Variants in DPP10 observed in about 807,000 individuals in gnomAD.
DPP10 encodes inactive dipeptidyl peptidase 10.
Under a neutral mutation model 120.9 loss-of-function variants are expected in DPP10, and 33 were observed. The observed-to-expected ratio is 0.27, with a 90% CI of 0.21 to 0.37. DPP10 has a LOEUF of 0.37. DPP10 is among the 10% of genes least tolerant of loss of function. The pLI is 1.00. For missense variants in DPP10, 816 were observed against 942.8 expected, an observed-to-expected ratio of 0.87 and a Z score of 1.76; for synonymous variants, 337 against 326.1, an observed-to-expected ratio of 1.03 and a Z score of -0.36.
At chr2:115,424,752 G>C (rs1264549432) in intron 3 of DPP10, among the ~76,000 whole-genome samples, 1 of 152,128 alleles carries the variant, frequency 6.6e-6, no homozygotes, top group Non-Finnish European at 1.5e-5. Context: ...ATGGAACATA[G>C]GTAGCTGATA....
intron 1 of DPP10, among the ~76,000 whole-genome samples, chr2:115,053,751 CTTTCT>C (rs1367154225): frequency 1.3e-5 from 2 of 152,030 alleles, no homozygotes; most frequent in African/African-American, 4.8e-5. Flanking sequence ...ATGAAAACAC[CTTTCT>C]TTTCAACTAT....
chr2:114,711,140 C>G (rs1220782458), intron 1 of DPP10, among the ~76,000 whole-genome samples: 1 of 152,118 alleles, frequency 6.6e-6, no homozygotes, highest in African/African-American at 2.4e-5. Context: ...AATTCATTTA[C>G]CCATTTACCC....
intron 1 of DPP10, among the ~76,000 whole-genome samples, chr2:114,882,154 T>C (rs995336096): frequency 6.6e-6 from 1 of 152,090 alleles, no homozygotes; most frequent in Non-Finnish European, 1.5e-5. Context: ...GCAATCCCAC[T>C]ACTAGGTATC....
At chr2:115,767,497 A>G (rs1371902101) in intron 12 of DPP10, among the ~76,000 whole-genome samples, 1 of 145,450 alleles carries the variant, frequency 6.9e-6, no homozygotes, top group East Asian at 1.9e-4. Flanking sequence ...GTGTATATAT[A>G]TATACACATA....
chr2:115,366,637 G>T (rs1185987009), intron 3 of DPP10, among the ~76,000 whole-genome samples: 1 of 151,920 alleles, frequency 6.6e-6, no homozygotes. Flanking sequence ...TGATTTATTT[G>T]TTCCTGTTTG....
At chr2:114,527,505 G>T (rs1685600200) in intron 1 of DPP10, among the ~76,000 whole-genome samples, 1 of 152,114 alleles carries the variant, frequency 6.6e-6, no homozygotes. Flanking sequence ...AGAAGTTACT[G>T]TATCTAGTTT....
chr2:115,378,005 C>A (rs1196280854), intron 3 of DPP10, among the ~76,000 whole-genome samples: 1 of 151,718 alleles, frequency 6.6e-6, no homozygotes, highest in Non-Finnish European at 1.5e-5. Flanking sequence ...CAGCTTTGTT[C>A]TTTTGGCTTA....
intron 1 of DPP10, among the ~76,000 whole-genome samples, chr2:114,981,682 G>A (rs2104859584): frequency 6.6e-6 from 1 of 152,206 alleles, no homozygotes; most frequent in East Asian, 1.9e-4. Context: ...CTGGGCTTAA[G>A]TAATCCTCCT....
intron 3 of DPP10, among the ~76,000 whole-genome samples, chr2:115,393,632 A>ATTC (rs2067471844): frequency 6.6e-6 from 1 of 152,206 alleles, no homozygotes; most frequent in South Asian, 2.1e-4. Flanking sequence ...ACCATTGTGT[A>ATTC]TTCTCAGAGA....
chr2:115,109,405 G>A (rs1031569071), intron 1 of DPP10, among the ~76,000 whole-genome samples: 27 of 151,974 alleles, frequency 1.8e-4, no homozygotes, highest in Admixed American at 1.1e-3. Context: ...GCGTGGTGGC[G>A]GGCGCCTGTA....
At chr2:115,094,609 T>C (rs1202266227) in intron 1 of DPP10, among the ~76,000 whole-genome samples, 1 of 152,204 alleles carries the variant, frequency 6.6e-6, no homozygotes, top group Non-Finnish European at 1.5e-5. Context: ...CCTAAAATAA[T>C]ACCTGTTTTG....
chr2:115,335,396 T>C (rs955685995), intron 2 of DPP10, among the ~76,000 whole-genome samples: 57 of 152,120 alleles, frequency 3.7e-4, no homozygotes, highest in East Asian at 1.9e-4. Flanking sequence ...AGAAACTGTT[T>C]TTCATTTTCT....
chr2:114,803,142 A>G (rs1373846870), intron 1 of DPP10, among the ~76,000 whole-genome samples: 1 of 152,120 alleles, frequency 6.6e-6, no homozygotes, highest in East Asian at 1.9e-4. Context: ...GATCCGATGG[A>G]TTTATCAGGG....
intron 5 of DPP10, among the ~76,000 whole-genome samples, chr2:115,567,984 TG>T (rs1295152975): frequency 9.9e-5 from 15 of 151,600 alleles, no homozygotes; most frequent in African/African-American, 3.6e-4. Context: ...CAGACAAGCC[TG>T]GCCAACATGG....
At chr2:114,925,210 CAAAAAAA>C (rs66986816) in intron 1 of DPP10, among the ~76,000 whole-genome samples, 3 of 104,818 alleles carry the variant, frequency 2.9e-5, no homozygotes, top group Admixed American at 1.1e-4. Flanking sequence ...GACTCTGTCT[CAAAAAAA>C]AAAAAAAAAA....
At chr2:115,660,076 A>G (rs2149404323) in intron 5 of DPP10, among the ~76,000 whole-genome samples, 1 of 152,288 alleles carries the variant, frequency 6.6e-6, no homozygotes, top group South Asian at 2.1e-4. Flanking sequence ...ACTGTGTCAC[A>G]ATCAACATGC....
rs1168214376 is a variant in DPP10 at position 114,664,827 on chromosome 2, G to GGTGGC, written c.60+221989_60+221990insGTGGC. Among the ~76,000 whole-genome samples the GGTGGC allele has an allele frequency of 4.6e-5, 7 of 150,966 alleles. No individual in the cohort carries two copies. In the East Asian group the frequency reaches 7.8e-4, roughly 17 times the overall value. On this transcript the variant is annotated intron_variant, in intron 1 of 25. Transcript: ENST00000410059. Reference sequence around the variant, plus strand: ...AAAAGGTGGCAGAGAGCATCCAAAAGATGGCAGAGAGCATCCAAAAGATGG... The same window carrying GGTGGC: ...AAAAGGTGGCAGAGAGCATCCAAAAGGTGGCATGGCAGAGAGCATCCAAAAGATGG...
At chr2:115,139,800 A>G (rs2050831364) in intron 1 of DPP10, among the ~76,000 whole-genome samples, 1 of 149,052 alleles carries the variant, frequency 6.7e-6, no homozygotes, top group South Asian at 2.2e-4. Flanking sequence ...TTCTGTGCTG[A>G]TGATACATGA....
At chr2:115,467,215 C>G (rs1468899530) in intron 3 of DPP10, among the ~76,000 whole-genome samples, 2 of 152,100 alleles carry the variant, frequency 1.3e-5, no homozygotes, top group Non-Finnish European at 2.9e-5. Flanking sequence ...TTTGCACACA[C>G]ACATGCACAT....
Sources: gnomAD v4.1 joint callset for allele counts (sites outside exome capture counted in the v4.1 genomes callset) on GRCh38, gnomAD v4.1.1 for gene constraint, MANE v1.5 for transcripts, NCBI Gene and HGNC (gene_info 2026-07-23, HGNC 2026-07-21) for gene names.